Variants in PKHD1L1 observed in about 807,000 individuals in gnomAD.
The protein encoded by PKHD1L1 is fibrocystin-L.
In PKHD1L1, 434 loss-of-function variants were observed where a neutral mutation model predicts 462.9. The ratio of observed to expected loss-of-function variants is 0.94; its 90% CI spans 0.87 to 1.02. The LOEUF is 1.02. Among genes scored for constraint, PKHD1L1 ranks in the 50% least tolerant of loss-of-function variants. The probability of loss-of-function intolerance (pLI) is 0.00; values close to 1 mark genes in which losing one functional copy is unlikely to be tolerated. For synonymous variants in PKHD1L1, 1,781 were observed against 1,750.0 expected, an observed-to-expected ratio of 1.02 and a Z score of -0.44; for missense variants, 5,202 against 5,096.1, an observed-to-expected ratio of 1.02 and a Z score of -0.63.
Position 109,531,604 on chromosome 8 carries a change from C to T in PKHD1L1, c.*1514C>T, listed in dbSNP as rs1019374462. ...GCAGTGGAAGAAAACTGGGAGAGGA[C>T]CACTGAAGGCCTAGGGGCTACAGAA... On this transcript the variant is annotated 3_prime_UTR_variant, in exon 78 of 78. Transcript: ENST00000378402. Among the ~76,000 whole-genome samples, 13 of 152,076 alleles carry T rather than the reference C, an allele frequency of 8.5e-5. No homozygotes were observed. The highest frequency in any genetic ancestry group is 2.9e-4 in the African/African-American group (12 of 41,490).
At chr8:109,475,751 G>A (rs921709295) in intron 51 of PKHD1L1, among the ~76,000 whole-genome samples, 2 of 150,672 alleles carry the variant, frequency 1.3e-5, no homozygotes, top group Admixed American at 6.6e-5. Flanking sequence ...GGGAGACTGG[G>A]GCAGGAGAAT....
intron 74 of PKHD1L1, 115 bp from the exon 75 acceptor site, chr8:109,522,629 T>C (rs1820607174): frequency 9.2e-7 from 1 of 1,081,762 alleles, no homozygotes; most frequent in African/African-American, 1.6e-5. Flanking sequence ...ATTTTGCATA[T>C]TGAACATATT....
chr8:109,382,127 G>T (rs7017429), intron 3 of PKHD1L1, among the ~76,000 whole-genome samples: 37,771 of 151,916 alleles, frequency 0.25, 5,343 homozygotes, highest in African/African-American at 0.39. Context: ...AGGAAACAAA[G>T]CATGGAATAA....
At chr8:109,441,640 T>G (rs1815799824) in intron 34 of PKHD1L1, among the ~76,000 whole-genome samples, 1 of 152,128 alleles carries the variant, frequency 6.6e-6, no homozygotes. Context: ...ACTCCCAGAT[T>G]GTTGTAGTTT....
At chr8:109,427,416 C>T (rs1814820514) in intron 25 of PKHD1L1, among the ~76,000 whole-genome samples, 1 of 152,006 alleles carries the variant, frequency 6.6e-6, no homozygotes, top group Non-Finnish European at 1.5e-5. Flanking sequence ...TGTTAGAATC[C>T]CCTTGACAGG....
chr8:109,506,959 C>T (rs1003047316), intron 68 of PKHD1L1, among the ~76,000 whole-genome samples: 7 of 152,104 alleles, frequency 4.6e-5, no homozygotes, highest in African/African-American at 1.7e-4. Flanking sequence ...CTCCAGGTAA[C>T]TCAAGATGAG....
intron 62 of PKHD1L1, 144 bp downstream of exon 62, chr8:109,492,138 T>C (rs1818864607): frequency 3.3e-6 from 2 of 605,340 alleles, no homozygotes; most frequent in Admixed American, 3.5e-5. Context: ...TTTTTTTTTT[T>C]CTGTCAATGT....
In PKHD1L1 at chr8:109,443,045, T is replaced by C; in HGVS notation, c.4493T>C (p.Val1498Ala). The C allele has an allele frequency of 6.2e-7, 1 of 1,613,752 alleles. No individual in the cohort carries two copies. Among genetic ancestry groups the C allele is most frequent in the Admixed American group, 1.7e-5 (1 of 60,014 alleles). Reference sequence around the variant, plus strand: ...ATTTTTCTCCAAGGAGTCATTAATGTTTTACCAGCTGAAACCAGACACATT... The same window carrying C: ...ATTTTTCTCCAAGGAGTCATTAATGCTTTACCAGCTGAAACCAGACACATT... ...HSIFLQGVINVLPAETRHIPL... is the reference protein window; with the variant it reads ...HSIFLQGVINALPAETRHIPL... The change falls in exon 36 of 78, where the codon GTT becomes GCT. Residue 1498 changes from valine to alanine, a missense_variant. By Grantham distance (64) the Val-to-Ala change is moderately conservative. Around this residue, in one of 3 missense-constraint regions of PKHD1L1, gnomAD observed 4,497 missense variants for 4,336.8 expected, o/e 1.04. Coordinates refer to ENST00000378402, the MANE Select transcript of PKHD1L1 (RefSeq NM_177531.6).
chr8:109,480,859 C>T (rs893931907), intron 55 of PKHD1L1, among the ~76,000 whole-genome samples: 1 of 151,892 alleles, frequency 6.6e-6, no homozygotes, highest in Non-Finnish European at 1.5e-5. Context: ...AAAATTACAA[C>T]TGAATTTTAC....
chr8:109,390,363 C>T, intron 8 of PKHD1L1, 89 bp from the exon 9 acceptor site: 1 of 677,684 alleles, frequency 1.5e-6, no homozygotes, highest in Non-Finnish European at 2.2e-6. Flanking sequence ...TGTACTTTTT[C>T]TCTGCTTTTA....
At chr8:109,420,053 T>C (rs1814385415) in intron 22 of PKHD1L1, among the ~76,000 whole-genome samples, 1 of 152,182 alleles carries the variant, frequency 6.6e-6, no homozygotes. Flanking sequence ...TTAAATGATA[T>C]TCACTTAGAA....
chr8:109,518,094 C>A, intron 72 of PKHD1L1, 73 bp from the exon 73 acceptor site: 1 of 933,258 alleles, frequency 1.1e-6, no homozygotes, highest in Non-Finnish European at 1.6e-6. Flanking sequence ...TTCAAACAAA[C>A]ATTAAGTAAC....
chr8:109,412,230 T>A (rs369477917), intron 19 of PKHD1L1, 35 bp from the exon 20 acceptor site: 10 of 1,608,282 alleles, frequency 6.2e-6, no homozygotes, highest in Non-Finnish European at 8.5e-6. Flanking sequence ...GAACAATAAA[T>A]CATGTTTTCA....
At chr8:109,401,061 G>A (rs1813246395) in intron 13 of PKHD1L1, among the ~76,000 whole-genome samples, 1 of 152,068 alleles carries the variant, frequency 6.6e-6, no homozygotes, top group Admixed American at 6.6e-5. Flanking sequence ...ATTCCTAATG[G>A]GAAGCCCAAA....
chr8:109,506,339 C>T (rs1819691238), intron 68 of PKHD1L1, among the ~76,000 whole-genome samples: 1 of 152,152 alleles, frequency 6.6e-6, no homozygotes, highest in Non-Finnish European at 1.5e-5. Context: ...CACCAGCCTG[C>T]AGTCCCTGTA....
intron 74 of PKHD1L1, 38 bp from the exon 75 acceptor site, chr8:109,522,706 A>T (rs1156600511): frequency 6.4e-7 from 1 of 1,562,234 alleles, no homozygotes; most frequent in Non-Finnish European, 8.6e-7. Context: ...AGTGTAGTTT[A>T]TCATGAAGAA....
At chr8:109,495,605 A>G (rs1036097649) in intron 63 of PKHD1L1, among the ~76,000 whole-genome samples, 2 of 152,158 alleles carry the variant, frequency 1.3e-5, no homozygotes, top group African/African-American at 4.8e-5. Context: ...TTGTCCATGC[A>G]TCTATATTGT....
intron 50 of PKHD1L1, among the ~76,000 whole-genome samples, chr8:109,469,651 A>C (rs1457576425): frequency 6.6e-6 from 1 of 152,116 alleles, no homozygotes; most frequent in Non-Finnish European, 1.5e-5. Context: ...CATTTTTTCT[A>C]GGTTTTTTTC....
intron 72 of PKHD1L1, 77 bp downstream of exon 72, chr8:109,515,382 T>G: frequency 8.6e-7 from 1 of 1,159,584 alleles, no homozygotes; most frequent in Non-Finnish European, 1.1e-6. Flanking sequence ...ATTATTAGTA[T>G]TTTTAATTCC....
Sources: allele counts gnomAD v4.1 joint callset (sites outside exome capture counted in the v4.1 genomes callset), GRCh38; gene constraint gnomAD v4.1.1; regional missense constraint gnomAD v4.1.1; transcripts MANE v1.5; gene names NCBI Gene and HGNC (gene_info 2026-07-23, HGNC 2026-07-21).